The following STAP2 variants were observed in gnomAD, a reference collection of about 807,000 sequenced individuals.
STAP2 encodes signal transducing adaptor family member 2.
Under a neutral mutation model 52.7 loss-of-function variants are expected in STAP2, and 58 were observed. The ratio of observed to expected loss-of-function variants is 1.10; its 90% CI spans 0.89 to 1.37. The LOEUF is 1.37. Ranked by LOEUF, STAP2 falls within the 40% of genes most tolerant of loss-of-function variation. The pLI is 0.00. For synonymous variants in STAP2, 231 were observed against 210.5 expected (o/e 1.10, Z -0.84); for missense variants, 522 against 519.4 (o/e 1.00, Z -0.05).
chr19:4,334,658 C>T (rs1398616342), intron 1 of STAP2, among the ~76,000 whole-genome samples: 2 of 150,906 alleles, frequency 1.3e-5, no homozygotes, highest in Non-Finnish European at 3.0e-5. Flanking sequence ...CTCATCCATC[C>T]GTCCATCACC....
At chr19:4,331,059 G>T (rs913787308) in intron 4 of STAP2, among the ~76,000 whole-genome samples, 2 of 152,110 alleles carry the variant, frequency 1.3e-5, no homozygotes, top group African/African-American at 4.8e-5. Flanking sequence ...GCCAGGCATG[G>T]TGGCTCACAT....
At chr19:4,337,035 C>CT (rs1300249685) in intron 1 of STAP2, among the ~76,000 whole-genome samples, 1 of 152,034 alleles carries the variant, frequency 6.6e-6, no homozygotes, top group Non-Finnish European at 1.5e-5. Context: ...GTCTACTCCA[C>CT]TACAGGTAAG....
At chr19:4,336,689 CA>C (rs1175554137) in intron 1 of STAP2, among the ~76,000 whole-genome samples, 1 of 151,338 alleles carries the variant, frequency 6.6e-6, no homozygotes, top group African/African-American at 2.4e-5. Flanking sequence ...GGTTTGAGTG[CA>C]ATGGCTTGAT....
Position 4,338,542 on chromosome 19 carries a change from T to A in STAP2, c.102+110A>T, listed in dbSNP as rs573450360. On this transcript the variant is annotated intron_variant, in intron 1 of 12. Transcript: ENST00000594605. ...GTCCCCCAGCACGTGTCCTGCCCCA[T>A]CCAGCACCCACCCCGCCCCCCCTTG... 19 of 1,018,594 alleles carry A rather than the reference T, an allele frequency of 1.9e-5. No individual in the cohort carries two copies. The Admixed American group carries it at 2.4e-4, about 13-fold the overall frequency. The allele number at this position is 1,018,594 out of a possible 1,614,324, so 63.1% of individuals were successfully genotyped here. A position where few individuals can be genotyped will look rare whatever the true frequency, so the allele number is the denominator to read the frequency against.
In STAP2 at chr19:4,338,555, C is replaced by A. The variant is rs534742416; in HGVS notation, c.102+97G>T. The stretch of plus-strand genomic sequence containing the variant: ...TGTCCTGCCCCATCCAGCACCCACC[C>A]CGCCCCCCCTTGGCGAGTGGGGAGA... On this transcript the variant is annotated intron_variant, in intron 1 of 12. Transcript: ENST00000594605. 230 of 719,798 alleles carry A rather than the reference C, an allele frequency of 3.2e-4. 9 individuals carry two copies. In the African/African-American group the frequency reaches 3.4e-3, roughly 11 times the overall value. The allele number at this position is 719,798 out of a possible 1,614,324, so 44.6% of individuals were successfully genotyped here.
intron 5 of STAP2, among the ~76,000 whole-genome samples, chr19:4,329,344 A>G (rs1039320459): frequency 4.6e-5 from 7 of 151,598 alleles, no homozygotes; most frequent in Admixed American, 1.3e-4. Flanking sequence ...GGTAAAAGCA[A>G]TCCTCCCGCC....
intron 6 of STAP2, chr19:4,328,240 G>T: frequency 1.2e-5 from 1 of 82,496 alleles, no homozygotes; most frequent in Admixed American, 1.5e-4. Flanking sequence ...CCCGCCCCCA[G>T]CCCTCCCTGC....
chr19:4,328,899 AT>A (rs2144784222), intron 5 of STAP2, 90 bp from the exon 6 acceptor site: 2 of 1,502,632 alleles, frequency 1.3e-6, no homozygotes, highest in African/African-American at 1.4e-5. Context: ...ACCCAGCCCC[AT>A]CCCCATCCCC....
At chr19:4,338,589 CA>C in intron 1 of STAP2, 62 bp downstream of exon 1, 1 of 1,152,650 alleles carries the variant, frequency 8.7e-7, no homozygotes, top group Non-Finnish European at 1.2e-6. Context: ...GACAGGGACT[CA>C]GAGAGGTGCC....
Position 4,324,438 on chromosome 19 carries a change from C to T in STAP2, c.1147+17G>A. 1.3e-6 allele frequency: 2 copies of T among 1,550,192 alleles called. No individual in the cohort carries two copies. The highest frequency in any genetic ancestry group is 1.7e-6 in the Non-Finnish European group (2 of 1,143,758). On this transcript the variant is annotated intron_variant, in intron 12 of 12. Transcript: ENST00000594605. ...ACCTGGGAAGCCCGCCCCGCACTGA[C>T]CCCGCAGACCCCTTACCGGCTGTGG... is the stretch of plus-strand genomic sequence containing the variant.
intron 12 of STAP2, 51 bp from the exon 13 acceptor site, chr19:4,324,248 T>C (rs1971745613): frequency 6.5e-7 from 1 of 1,532,474 alleles, no homozygotes; most frequent in South Asian, 1.2e-5. Flanking sequence ...CCCCAGTCCA[T>C]GCCCACCGCC....
rs756087903 is a variant in STAP2, at chr19:4,327,412, G to A, written c.591-27C>T. The A allele has an allele frequency of 2.5e-6, 4 of 1,613,198 alleles. No homozygotes were observed. The Admixed American group carries it at 6.7e-5, about 27-fold the overall frequency. ...TGCACCAGGAGAAAGCGAGTGAGTG[G>A]CTCAGCCCAGGCTCCCACACCGCCC... On this transcript the variant is annotated intron_variant, in intron 6 of 12. Coordinates refer to ENST00000594605, the MANE Select transcript of STAP2 (RefSeq NM_001013841.2).
intron 1 of STAP2, among the ~76,000 whole-genome samples, chr19:4,337,235 CT>C (rs537448777): frequency 2.4e-3 from 333 of 140,122 alleles, no homozygotes; most frequent in South Asian, 6.5e-3. Context: ...AAGACCCCAT[CT>C]TTTTTTTTTT....
intron 11 of STAP2, 166 bp downstream of exon 11, chr19:4,325,050 A>G (rs1429864070): frequency 8.3e-6 from 5 of 605,788 alleles, no homozygotes; most frequent in South Asian, 2.0e-5. Context: ...GAGGCAGGAG[A>G]ATGGCGTGAA....
intron 9 of STAP2, 68 bp from the exon 10 acceptor site, chr19:4,325,613 G>T: frequency 6.7e-7 from 1 of 1,499,232 alleles, no homozygotes; most frequent in South Asian, 1.3e-5. Context: ...TTGGCGGGGG[G>T]GTCTGTGTGC....
At position 4,332,037 on chromosome 19, in the gene STAP2, G is replaced by A; in HGVS notation, c.339C>T (p.Ile113=). Residue 113 remains isoleucine, a synonymous_variant, in exon 4 of 13, where the codon ATC becomes ATT. Coordinates refer to ENST00000594605, the MANE Select transcript of STAP2 (RefSeq NM_001013841.2). ...LECREMWKGF[I]LTVVELRVPT... ...CTACTCTTACCTCCACCACCGTTAAGATGAAGCCTTTCCACATTTCCCGAC... is the reference window on the plus strand; with the variant it reads ...CTACTCTTACCTCCACCACCGTTAAAATGAAGCCTTTCCACATTTCCCGAC... 2.5e-6 allele frequency: 4 copies of A among 1,613,362 alleles called. No individual in the cohort carries two copies. The highest frequency in any genetic ancestry group is 1.3e-5 in the African/African-American group (1 of 74,966).
chr19:4,324,570 G>A lies in STAP2; in HGVS notation c.1073-41C>T, dbSNP rs370753203. The A allele has an allele frequency of 2.4e-5, 37 of 1,550,226 alleles. 1 individual carries two copies. The African/African-American group carries it at 2.9e-4, about 12-fold the overall frequency. On this transcript the variant is annotated intron_variant, in intron 11 of 12. Coordinates refer to ENST00000594605, the MANE Select transcript of STAP2 (RefSeq NM_001013841.2). Reference sequence around the variant, plus strand: ...GATGAGGCCAGGTGTGGTGGCTCACGCCGGTAATCCCAGCACTTTGGGAGG... The same window carrying A: ...GATGAGGCCAGGTGTGGTGGCTCACACCGGTAATCCCAGCACTTTGGGAGG...
At chr19:4,329,406 G>A (rs1481862004) in intron 5 of STAP2, among the ~76,000 whole-genome samples, 1 of 151,982 alleles carries the variant, frequency 6.6e-6, no homozygotes, top group Admixed American at 6.5e-5. Context: ...CGGCCAGCCA[G>A]GCTCTTAATT....
intron 4 of STAP2, among the ~76,000 whole-genome samples, chr19:4,331,727 CAG>C (rs1358076185): frequency 6.6e-6 from 1 of 151,404 alleles, no homozygotes; most frequent in Non-Finnish European, 1.5e-5. Context: ...GTTCAGGAGA[CAG>C]AGACCATCCT....
Sources: allele counts gnomAD v4.1 joint callset (sites outside exome capture counted in the v4.1 genomes callset), GRCh38; gene constraint gnomAD v4.1.1; transcripts MANE v1.5; gene names NCBI Gene and HGNC (gene_info 2026-07-23, HGNC 2026-07-21).